NKD1: variants seen among roughly 807,000 people sequenced by gnomAD.
NKD1 encodes the protein protein naked cuticle homolog 1.
In NKD1, 21 loss-of-function variants were observed where a neutral mutation model predicts 56.0. The ratio of observed to expected loss-of-function variants is 0.38; its 90% CI spans 0.27 to 0.54. NKD1 has a LOEUF of 0.54. Ranked by LOEUF, NKD1 falls within the 20% of genes least tolerant of loss-of-function variation. The probability of loss-of-function intolerance (pLI) is 0.82; values close to 1 mark genes in which losing one functional copy is unlikely to be tolerated. For synonymous variants in NKD1, 263 were observed against 265.7 expected (o/e 0.99, Z 0.10); for missense variants, 578 against 642.7 (o/e 0.90, Z 1.09).
chr16:50,643,867 C>T lies in NKD1; in HGVS notation c.*10086C>T, dbSNP rs1188130239. On this transcript the variant is annotated 3_prime_UTR_variant, in exon 10 of 10. Coordinates refer to ENST00000268459, the MANE Select transcript of NKD1 (RefSeq NM_033119.5). Reference sequence around the variant, plus strand: ...AGCTTATCTAGCACACATATTTTCTCTGCAAGGCATATCAGAGCCTTCTGT... The same window carrying T: ...AGCTTATCTAGCACACATATTTTCTTTGCAAGGCATATCAGAGCCTTCTGT... 1.3e-5 allele frequency: 2 copies of T among 152,278 alleles called. No individual in the cohort carries two copies. The highest frequency in any genetic ancestry group is 2.9e-5 in the Non-Finnish European group (2 of 68,046). 9.4% of individuals were successfully genotyped at this position (152,278 alleles called of 1,614,324 possible).
intron 3 of NKD1, among the ~76,000 whole-genome samples, chr16:50,572,505 T>C (rs1960905956): frequency 6.6e-6 from 1 of 152,208 alleles, no homozygotes; most frequent in African/African-American, 2.4e-5. Flanking sequence ...TTGGATTTTT[T>C]TGGGGAATGA....
chr16:50,632,472 G>T lies in NKD1; in HGVS notation c.823+64G>T. 1 of 1,573,074 alleles carries T rather than the reference G, an allele frequency of 6.4e-7. No homozygotes were observed. The highest frequency in any genetic ancestry group is 8.7e-7 in the Non-Finnish European group (1 of 1,145,602). ...AGGGCGTGGCTGGACGGGCCAGGCG[G>T]GCCGTGCGGGTGGTGTTCACTGCTA... On this transcript the variant is annotated intron_variant, in intron 9 of 9. Coordinates refer to ENST00000268459, the MANE Select transcript of NKD1 (RefSeq NM_033119.5). This position sits in a 1 kb window ranked among gnomAD's most constrained non-coding sequence, Gnocchi z 4.1.
In NKD1 at chr16:50,604,364, G is replaced by A. The variant is rs531141151; in HGVS notation, c.193-3930G>A. On this transcript the variant is annotated intron_variant, in intron 3 of 9. Coordinates refer to ENST00000268459, the MANE Select transcript of NKD1 (RefSeq NM_033119.5). ...GAAAACAAGTGTTCTGGGCAGGATGGGGCATGTTTCCAGGTGTCTGTGAGG... is the reference window on the plus strand; with the variant it reads ...GAAAACAAGTGTTCTGGGCAGGATGAGGCATGTTTCCAGGTGTCTGTGAGG... 1.1e-4 allele frequency among the ~76,000 whole-genome samples: 17 copies of A among 152,342 alleles called. 1 individual carries two copies. In the South Asian group the frequency reaches 3.5e-3, roughly 32 times the overall value.
At chr16:50,625,306 T>G (rs963210221) in intron 5 of NKD1, 179 bp from the exon 6 acceptor site, 2 of 601,832 alleles carry the variant, frequency 3.3e-6, no homozygotes, top group Non-Finnish European at 5.9e-6. Context: ...CTGCCCGGGC[T>G]CTGGCTGCCC....
chr16:50,608,607 G>A (rs758573533), intron 4 of NKD1, among the ~76,000 whole-genome samples: 4 of 152,162 alleles, frequency 2.6e-5, no homozygotes, highest in Non-Finnish European at 4.4e-5. Context: ...GCCCTGCACC[G>A]GATTAGCTGG....
chr16:50,632,469 G>GA lies in NKD1; in HGVS notation c.823+61_823+62insA. 1 of 1,568,406 alleles carries GA rather than the reference G, an allele frequency of 6.4e-7. No individual in the cohort carries two copies. The highest frequency in any genetic ancestry group is 1.1e-5 in the South Asian group (1 of 88,924). On this transcript the variant is annotated intron_variant, in intron 9 of 9. Coordinates refer to ENST00000268459, the MANE Select transcript of NKD1 (RefSeq NM_033119.5). This position sits in a 1 kb window ranked among gnomAD's most constrained non-coding sequence, Gnocchi z 4.1. Reference sequence around the variant, plus strand: ...GGCAGGGCGTGGCTGGACGGGCCAGGCGGGCCGTGCGGGTGGTGTTCACTG... The same window carrying GA: ...GGCAGGGCGTGGCTGGACGGGCCAGGACGGGCCGTGCGGGTGGTGTTCACTG...
rs1205018524 is a variant in NKD1 at position 50,598,554 on chromosome 16, G to A, written c.193-9740G>A. On this transcript the variant is annotated intron_variant, in intron 3 of 9. Coordinates refer to ENST00000268459, the MANE Select transcript of NKD1 (RefSeq NM_033119.5). The surrounding 1 kb of genome is among the most constrained non-coding windows in gnomAD (Gnocchi z 4.2). The stretch of plus-strand genomic sequence containing the variant: ...TGCCTGTCATAAGCAGCCTGGCTCA[G>A]GGCCACCCTGTCGGCAGGTCACACG... 6.6e-6 allele frequency among the ~76,000 whole-genome samples: 1 copy of A among 152,160 alleles called. No individual in the cohort carries two copies. Among genetic ancestry groups the A allele is most frequent in the Non-Finnish European group, 1.5e-5 (1 of 68,022 alleles).
chr16:50,564,139 A>G (rs1389194578), intron 3 of NKD1, among the ~76,000 whole-genome samples: 2 of 152,246 alleles, frequency 1.3e-5, no homozygotes, highest in Non-Finnish European at 2.9e-5. Flanking sequence ...CTTCCTTGTA[A>G]CATAGCTGTG....
intron 3 of NKD1, chr16:50,607,494 A>G (rs1961739189): frequency 6.2e-6 from 1 of 161,178 alleles, no homozygotes; most frequent in African/African-American, 2.4e-5. Flanking sequence ...CCGCTACCAT[A>G]GCATCATCAT....
At chr16:50,613,854 T>C (rs1326289750) in intron 4 of NKD1, among the ~76,000 whole-genome samples, 1 of 152,154 alleles carries the variant, frequency 6.6e-6, no homozygotes, top group Admixed American at 6.5e-5. Flanking sequence ...CCTGAACAGA[T>C]GTTTCGTCTC....
chr16:50,577,909 G>A (rs918592552), intron 3 of NKD1, among the ~76,000 whole-genome samples: 1 of 152,170 alleles, frequency 6.6e-6, no homozygotes, highest in African/African-American at 2.4e-5. Context: ...ATTTTTTCCT[G>A]TATTGCTTTT....
At chr16:50,592,161 C>T (rs1160174874) in intron 3 of NKD1, among the ~76,000 whole-genome samples, 1 of 152,224 alleles carries the variant, frequency 6.6e-6, no homozygotes, top group Non-Finnish European at 1.5e-5. Flanking sequence ...GAATAGGCAG[C>T]CGGCTCAGGT....
Position 50,598,262 on chromosome 16 carries a change from T to TGTGTGTGTGTGTGTGTGTGTGTGCGC in NKD1, c.193-10031_193-10030insTGTGTGTGTGTGTGTGTGTGTGCGCG, listed in dbSNP as rs138964473. 4.2e-4 allele frequency among the ~76,000 whole-genome samples: 62 copies of TGTGTGTGTGTGTGTGTGTGTGTGCGC among 148,656 alleles called. No individual in the cohort carries two copies. Among genetic ancestry groups the TGTGTGTGTGTGTGTGTGTGTGTGCGC allele is most frequent in the African/African-American group, 1.5e-3 (58 of 39,150 alleles). ...GTGTGTGTGTGTGTGTGTGTGTGTG[T>TGTGTGTGTGTGTGTGTGTGTGTGCGC]GCGCGCACACCTGTGCTCATGGACA... On this transcript the variant is annotated intron_variant, in intron 3 of 9. Coordinates refer to ENST00000268459, the MANE Select transcript of NKD1 (RefSeq NM_033119.5). The surrounding 1 kb of genome is among the most constrained non-coding windows in gnomAD (Gnocchi z 4.2).
chr16:50,597,300 G>A (rs1961493655), intron 3 of NKD1, among the ~76,000 whole-genome samples: 1 of 152,092 alleles, frequency 6.6e-6, no homozygotes, highest in South Asian at 2.1e-4. Flanking sequence ...GCACTGGGGA[G>A]GACAGGTTTG....
intron 4 of NKD1, among the ~76,000 whole-genome samples, chr16:50,609,700 A>G (rs1961800009): frequency 6.6e-6 from 1 of 152,208 alleles, no homozygotes; most frequent in Non-Finnish European, 1.5e-5. Context: ...GGCTTGCATG[A>G]ACACTGCACT....
intron 3 of NKD1, among the ~76,000 whole-genome samples, chr16:50,559,883 C>A (rs1960585949): frequency 6.6e-6 from 1 of 152,162 alleles, no homozygotes; most frequent in South Asian, 2.1e-4. Flanking sequence ...GCTGTCTTCC[C>A]TCAGGCCACA....
intron 3 of NKD1, among the ~76,000 whole-genome samples, chr16:50,553,038 ACCATGTTAAACAAT>A (rs1960425147): frequency 6.6e-6 from 1 of 152,252 alleles, no homozygotes. Context: ...GGCAAAGAAC[ACCATGTTAAACAAT>A]TAGAAAGCAA....
chr16:50,572,875 G>A (rs1596713606), intron 3 of NKD1: 8 of 985,070 alleles, frequency 8.1e-6, no homozygotes, highest in Non-Finnish European at 9.6e-6. Context: ...GGAGCCAACA[G>A]GATCATGAGG....
chr16:50,613,588 T>A (rs1386249481), intron 4 of NKD1: 2 of 152,210 alleles, frequency 1.3e-5, no homozygotes, highest in Non-Finnish European at 2.9e-5. Flanking sequence ...CGGACTTTGT[T>A]ACCTTGGCAG....
Sources: gnomAD v4.1 joint callset for allele counts (sites outside exome capture counted in the v4.1 genomes callset) on GRCh38, gnomAD v4.1.1 for gene constraint, Gnocchi (gnomAD v3.1) non-coding constraint, MANE v1.5 for transcripts, NCBI Gene and HGNC (gene_info 2026-07-23, HGNC 2026-07-21) for gene names.